Variants in CEP112 observed in about 807,000 individuals in gnomAD.
CEP112 encodes the protein centrosomal protein of 112 kDa.
CEP112 carries 127 observed loss-of-function variants against 153.0 expected under a neutral mutation model. That is an observed-to-expected ratio of 0.83 (90% confidence interval 0.72 to 0.96). The LOEUF (loss-of-function observed/expected upper bound fraction) is 0.96, where lower values mean the gene tolerates loss of function less well. Among genes scored for constraint, CEP112 ranks in the 40% least tolerant of loss-of-function variants. The pLI is 0.00. For missense variants in CEP112, 1,089 were observed against 1,101.2 expected, an observed-to-expected ratio of 0.99 and a Z score of 0.16; for synonymous variants, 358 against 374.4, an observed-to-expected ratio of 0.96 and a Z score of 0.51.
intron 21 of CEP112, among the ~76,000 whole-genome samples, chr17:65,778,480 TTCTATAG>T (rs1416854656): frequency 6.6e-6 from 1 of 152,226 alleles, no homozygotes; most frequent in Non-Finnish European, 1.5e-5. Context: ...TGCATGGCTG[TTCTATAG>T]TCTTTTGAAA....
At chr17:65,643,812 T>C (rs936556460) in intron 24 of CEP112, among the ~76,000 whole-genome samples, 5 of 152,220 alleles carry the variant, frequency 3.3e-5, no homozygotes, top group Admixed American at 3.3e-4. Context: ...CAGATTGTCA[T>C]TGACTACTGG....
At position 65,973,136 on chromosome 17, in the gene CEP112, T is replaced by C. The variant is rs189135608; in HGVS notation, c.1737-11538A>G. On this transcript the variant is annotated intron_variant, in intron 17 of 26. Transcript: ENST00000535342. The stretch of plus-strand genomic sequence containing the variant: ...TACTAAAAAGTGATCAAAGTCCTAA[T>C]GTAAAACCTAAAACTATAAAACTTT... Among the ~76,000 whole-genome samples the C allele has an allele frequency of 1.4e-4, 21 of 152,336 alleles. No homozygotes were observed. In the East Asian group the frequency reaches 3.9e-3, roughly 28 times the overall value.
intron 6 of CEP112, among the ~76,000 whole-genome samples, chr17:66,097,162 A>G (rs1214167773): frequency 1.3e-5 from 2 of 152,202 alleles, no homozygotes; most frequent in African/African-American, 2.4e-5. Context: ...AGATTCATCT[A>G]TCTTCACCAT....
intron 20 of CEP112, among the ~76,000 whole-genome samples, chr17:65,870,762 C>T (rs957387855): frequency 1.3e-5 from 2 of 152,194 alleles, no homozygotes; most frequent in Non-Finnish European, 2.9e-5. Context: ...TCTAGAAACA[C>T]CTAAAGTTAT....
chr17:65,836,276 ACTCTTTC>A (rs944869783), intron 21 of CEP112, among the ~76,000 whole-genome samples: 1 of 152,204 alleles, frequency 6.6e-6, no homozygotes, highest in African/African-American at 2.4e-5. Context: ...GCAGCAGTAA[ACTCTTTC>A]CTATCAATAA....
At chr17:65,906,367 T>C (rs149382007) in intron 19 of CEP112, among the ~76,000 whole-genome samples, 76 of 152,126 alleles carry the variant, frequency 5.0e-4, no homozygotes, top group African/African-American at 1.8e-3. Context: ...TGTATACCTA[T>C]GTAACAAATC....
intron 23 of CEP112, among the ~76,000 whole-genome samples, chr17:65,724,310 T>C (rs1261047818): frequency 6.6e-6 from 1 of 151,620 alleles, no homozygotes; most frequent in African/African-American, 2.4e-5. Flanking sequence ...ATATGTGTAC[T>C]ACTAGGTTTA....
At chr17:66,108,446 G>A (rs1029488756) in intron 6 of CEP112, among the ~76,000 whole-genome samples, 9 of 151,934 alleles carry the variant, frequency 5.9e-5, no homozygotes, top group African/African-American at 2.2e-4. Flanking sequence ...CTTGAAAATG[G>A]GCAAAAGATC....
At chr17:65,852,457 C>A (rs1360408130) in intron 20 of CEP112, among the ~76,000 whole-genome samples, 3 of 86,122 alleles carry the variant, frequency 3.5e-5, no homozygotes, top group African/African-American at 1.4e-4. Context: ...CCCTCCCTCC[C>A]TCCCTTTCCT....
At chr17:65,805,357 A>C (rs1158897719) in intron 21 of CEP112, among the ~76,000 whole-genome samples, 1 of 152,220 alleles carries the variant, frequency 6.6e-6, no homozygotes, top group Non-Finnish European at 1.5e-5. Flanking sequence ...CTCAGTCAAC[A>C]AATTAAAAGC....
chr17:65,813,028 C>T (rs1402888089), intron 21 of CEP112, among the ~76,000 whole-genome samples: 1 of 152,012 alleles, frequency 6.6e-6, no homozygotes, highest in Non-Finnish European at 1.5e-5. Context: ...TAGAATAAAA[C>T]ATTATTTCAA....
chr17:65,893,169 C>T (rs1292802111), intron 20 of CEP112, among the ~76,000 whole-genome samples: 4 of 149,418 alleles, frequency 2.7e-5, no homozygotes, highest in African/African-American at 7.7e-5. Context: ...AGTGAAACGA[C>T]ACACACACTC....
intron 19 of CEP112, among the ~76,000 whole-genome samples, chr17:65,906,869 T>A (rs1343178674): frequency 6.6e-6 from 1 of 152,228 alleles, no homozygotes; most frequent in African/African-American, 2.4e-5. Context: ...CTTGGACATG[T>A]TATTTCTACT....
intron 21 of CEP112, among the ~76,000 whole-genome samples, chr17:65,797,948 C>T (rs1310585819): frequency 1.3e-5 from 2 of 152,106 alleles, no homozygotes; most frequent in Admixed American, 6.5e-5. Context: ...CACACGCATG[C>T]GAGGGTCTCT....
At chr17:65,866,690 A>C (rs566920919) in intron 20 of CEP112, among the ~76,000 whole-genome samples, 1 of 152,204 alleles carries the variant, frequency 6.6e-6, no homozygotes, top group East Asian at 1.9e-4. Flanking sequence ...AAGAGGAGCT[A>C]CCCACCTCAG....
At chr17:66,154,185 A>AG (rs1568554010) in intron 4 of CEP112, among the ~76,000 whole-genome samples, 3 of 144,656 alleles carry the variant, frequency 2.1e-5, no homozygotes, top group African/African-American at 5.0e-5. Context: ...CTCAAAAAAA[A>AG]GGGGGGGCCA....
Position 66,013,668 on chromosome 17 carries a change from G to A in CEP112, c.1657-7899C>T, listed in dbSNP as rs573341956. Among the ~76,000 whole-genome samples the A allele has an allele frequency of 6.6e-5, 10 of 152,340 alleles. No individual in the cohort carries two copies. The South Asian group carries it at 8.3e-4, about 13-fold the overall frequency. On this transcript the variant is annotated intron_variant, in intron 16 of 26. Transcript: ENST00000535342. ...TCCAACGAGTGGTGCCAGCCAAAGC[G>A]CTTCATCAGGCAGTGGCAATGTGAT...
At chr17:65,647,806 A>C (rs1318234228) in intron 24 of CEP112, among the ~76,000 whole-genome samples, 1 of 151,862 alleles carries the variant, frequency 6.6e-6, no homozygotes, top group East Asian at 1.9e-4. Flanking sequence ...TTCTATCCCC[A>C]CCTCTGACCC....
intron 23 of CEP112, among the ~76,000 whole-genome samples, chr17:65,737,196 G>C (rs2050854231): frequency 1.3e-5 from 2 of 152,106 alleles, no homozygotes. Context: ...TAGCAAAAAT[G>C]CACCAACAGA....
Sources: gnomAD v4.1 joint callset for allele counts (sites outside exome capture counted in the v4.1 genomes callset) on GRCh38, gnomAD v4.1.1 for gene constraint, MANE v1.5 for transcripts, NCBI Gene and HGNC (gene_info 2026-07-23, HGNC 2026-07-21) for gene names.